SGF29: variants seen among roughly 807,000 people sequenced by gnomAD.
SGF29 encodes SAGA-associated factor 29.
In SGF29, 15 loss-of-function variants were observed where a neutral mutation model predicts 38.1. The ratio of observed to expected loss-of-function variants is 0.39; its 90% CI spans 0.26 to 0.61. The LOEUF (loss-of-function observed/expected upper bound fraction) is 0.61. Among genes scored for constraint, SGF29 ranks in the 20% least tolerant of loss-of-function variants. SGF29 has a pLI of 0.49. For synonymous variants in SGF29, 151 were observed against 160.8 expected, an observed-to-expected ratio of 0.94 and a Z score of 0.46; for missense variants, 184 against 394.6, an observed-to-expected ratio of 0.47 and a Z score of 4.52.
At chr16:28,568,526 T>C (rs2046846771) in intron 1 of SGF29, among the ~76,000 whole-genome samples, 1 of 151,584 alleles carries the variant, frequency 6.6e-6, no homozygotes, top group Admixed American at 6.6e-5. Context: ...TTATTTAGCT[T>C]AAGTGTGGAG....
intron 1 of SGF29, among the ~76,000 whole-genome samples, chr16:28,569,029 A>G (rs2046849871): frequency 6.6e-6 from 1 of 151,562 alleles, no homozygotes; most frequent in Admixed American, 6.6e-5. Context: ...CGAAGTTTGC[A>G]GTGAGCCGAG....
rs1379496342 is a variant in SGF29 at position 28,590,734 on chromosome 16, C to A, written c.603-39C>A. ...CCTAACAGCTGAGAAGGAGCATCCC[C>A]ACCCGGCCACAGGTTGATATAAGCC... is the stretch of plus-strand genomic sequence containing the variant. On this transcript the variant is annotated intron_variant, in intron 8 of 9. Transcript: ENST00000317058. The surrounding 1 kb of genome is among the most constrained non-coding windows in gnomAD (Gnocchi z 8.2). 12 of 1,613,934 alleles carry A rather than the reference C, an allele frequency of 7.4e-6. No individual in the cohort carries two copies. The highest frequency in any genetic ancestry group is 1.0e-5 in the Non-Finnish European group (12 of 1,179,946).
intron 1 of SGF29, among the ~76,000 whole-genome samples, chr16:28,564,148 T>G (rs2046806283): frequency 6.6e-6 from 1 of 152,108 alleles, no homozygotes; most frequent in Admixed American, 6.6e-5. Context: ...GGGGGCTGCA[T>G]TCCCAGCTTG....
At chr16:28,564,580 C>CATATATAT (rs1450326835) in intron 1 of SGF29, among the ~76,000 whole-genome samples, 1,696 of 116,118 alleles carry the variant, frequency 0.015, 37 homozygotes, top group Non-Finnish European at 0.026. Flanking sequence ...TATATATACA[C>CATATATAT]GTATATATAT....
chr16:28,582,901 C>T (rs1596606057), intron 2 of SGF29, among the ~76,000 whole-genome samples: 1 of 152,158 alleles, frequency 6.6e-6, no homozygotes, highest in Admixed American at 6.5e-5. Flanking sequence ...CACCACTGCA[C>T]TCCAGCCTGG....
chr16:28,581,059 C>G lies in SGF29; in HGVS notation c.-11C>G. ...CTGTCCTCGCTCCCCCACCAGGTGC[C>G]CCTGTAGACAATGGCCCTCGTGTCT... On this transcript the variant is annotated 5_prime_UTR_variant, in exon 2 of 10. Transcript: ENST00000317058. The G allele has an allele frequency of 6.2e-7, 1 of 1,613,132 alleles. No individual in the cohort carries two copies. The highest frequency in any genetic ancestry group is 8.5e-7 in the Non-Finnish European group (1 of 1,179,380).
At chr16:28,583,386 C>A (rs1024931974) in intron 2 of SGF29, among the ~76,000 whole-genome samples, 1 of 152,154 alleles carries the variant, frequency 6.6e-6, no homozygotes, top group African/African-American at 2.4e-5. Context: ...GCAAGTATCC[C>A]CCCCCAACCC....
At chr16:28,570,090 T>C (rs1201109814) in intron 1 of SGF29, among the ~76,000 whole-genome samples, 1 of 151,784 alleles carries the variant, frequency 6.6e-6, no homozygotes, top group Non-Finnish European at 1.5e-5. Flanking sequence ...GCTATGGGGG[T>C]AGGGTTGCCT....
At chr16:28,573,804 G>T (rs1185326915) in intron 1 of SGF29, among the ~76,000 whole-genome samples, 1 of 152,042 alleles carries the variant, frequency 6.6e-6, no homozygotes, top group African/African-American at 2.4e-5. Flanking sequence ...CAGCTAATAG[G>T]ACCCAGGCCT....
chr16:28,560,744 G>A (rs952789380), intron 1 of SGF29, among the ~76,000 whole-genome samples: 1 of 151,902 alleles, frequency 6.6e-6, no homozygotes, highest in Non-Finnish European at 1.5e-5. Flanking sequence ...GGCGGATCAC[G>A]AGGTCAGCAG....
At chr16:28,564,876 A>C (rs1440883957) in intron 1 of SGF29, among the ~76,000 whole-genome samples, 1 of 150,078 alleles carries the variant, frequency 6.7e-6, no homozygotes, top group Non-Finnish European at 1.5e-5. Context: ...GTGAAATCCC[A>C]TGATAGGCCA....
chr16:28,564,674 T>TATATGTGTATATATAC (rs1491240594), intron 1 of SGF29, among the ~76,000 whole-genome samples: 1 of 90,226 alleles, frequency 1.1e-5, no homozygotes, highest in Non-Finnish European at 2.2e-5. Context: ...TGCATATATA[T>TATATGTGTATATATAC]GTATATATAT....
At chr16:28,579,507 C>T (rs375105054) in intron 1 of SGF29, among the ~76,000 whole-genome samples, 30 of 150,684 alleles carry the variant, frequency 2.0e-4, no homozygotes, top group African/African-American at 6.8e-4. Context: ...CTGCCCTCCT[C>T]GGCCTCCCAA....
chr16:28,578,889 C>A (rs2046910078), intron 1 of SGF29, among the ~76,000 whole-genome samples: 1 of 152,022 alleles, frequency 6.6e-6, no homozygotes, highest in African/African-American at 2.4e-5. Context: ...TTGCAGTGAG[C>A]AGAGATCGCA....
chr16:28,555,553 C>A (rs1418626661), intron 1 of SGF29, among the ~76,000 whole-genome samples: 1 of 152,124 alleles, frequency 6.6e-6, no homozygotes, highest in Non-Finnish European at 1.5e-5. Context: ...GTTTGAGGGT[C>A]AACTGTATAG....
chr16:28,573,230 G>A (rs1392818437), intron 1 of SGF29, among the ~76,000 whole-genome samples: 2 of 152,142 alleles, frequency 1.3e-5, no homozygotes, highest in East Asian at 3.9e-4. Flanking sequence ...CTGGGGGGGT[G>A]TAAGAGATAG....
intron 2 of SGF29, among the ~76,000 whole-genome samples, chr16:28,582,605 A>G (rs543456793): frequency 3.3e-5 from 5 of 152,338 alleles, no homozygotes; most frequent in Admixed American, 3.3e-4. Context: ...TCTGTAAACC[A>G]AAACTGCTCT....
chr16:28,587,648 C>G (rs2151653731), intron 4 of SGF29, among the ~76,000 whole-genome samples: 1 of 152,354 alleles, frequency 6.6e-6, no homozygotes, highest in South Asian at 2.1e-4. Flanking sequence ...GCATCACACC[C>G]AGTTCCTGTG....
intron 1 of SGF29, among the ~76,000 whole-genome samples, chr16:28,560,267 CAG>C (rs556908986): frequency 6.3e-4 from 94 of 148,850 alleles, no homozygotes; most frequent in African/African-American, 2.1e-3. Context: ...TTTTACAAAA[CAG>C]GAAAATATGA....
Sources: gnomAD v4.1 joint callset for allele counts (sites outside exome capture counted in the v4.1 genomes callset) on GRCh38, gnomAD v4.1.1 for gene constraint, Gnocchi (gnomAD v3.1) non-coding constraint, MANE v1.5 for transcripts, NCBI Gene and HGNC (gene_info 2026-07-23, HGNC 2026-07-21) for gene names.